KIF5C: variants seen among roughly 807,000 people sequenced by gnomAD.
KIF5C encodes the protein kinesin family member 5C, also known as kinesin heavy chain isoform 5C.
In KIF5C, 18 loss-of-function variants were observed where a neutral mutation model predicts 125.2. That is an observed-to-expected ratio of 0.14 (90% CI 0.10 to 0.21). The LOEUF is 0.21. Ranked by LOEUF, KIF5C falls within the 10% of genes least tolerant of loss-of-function variation. The pLI, the probability that KIF5C is intolerant of heterozygous loss-of-function variation, is 1.00. For missense variants in KIF5C, 780 were observed against 1,183.8 expected, an observed-to-expected ratio of 0.66 and a Z score of 5.01; for synonymous variants, 405 against 434.0, an observed-to-expected ratio of 0.93 and a Z score of 0.83.
chr2:148,994,061 T>C lies in KIF5C; in HGVS notation c.1906-360T>C, dbSNP rs59413743. On this transcript the variant is annotated intron_variant, in intron 16 of 25. Transcript: ENST00000435030. ...TGAAGATGGAATCCAGAGGTGCATG[T>C]TCAATGAATGAGGCCTTCAGCCCTG... is the stretch of plus-strand genomic sequence containing the variant. 4.2e-3 allele frequency among the ~76,000 whole-genome samples: 647 copies of C among 152,294 alleles called. 6 individuals carry two copies. Among genetic ancestry groups the C allele is most frequent in the African/African-American group, 0.015 (615 of 41,562 alleles).
rs1192799100 is a variant in KIF5C, at chr2:149,005,452, C to T, written c.2433C>T (p.Thr811=). ...LRKLFVQDLT[T]RVKKSVELDN... Reference sequence around the variant, plus strand: ...AACTCTTTGTCCAGGATCTGACCACCCGAGTTAAAAAAGTGAGTTCTCTTT... The same window carrying T: ...AACTCTTTGTCCAGGATCTGACCACTCGAGTTAAAAAAGTGAGTTCTCTTT... The change falls in exon 22 of 26, where the codon ACC becomes ACT. Residue 811 remains threonine (T), a synonymous_variant. Transcript: ENST00000435030. 23 of 1,613,510 alleles carry T rather than the reference C, an allele frequency of 1.4e-5. No individual in the cohort carries two copies. Among genetic ancestry groups the T allele is most frequent in the Middle Eastern group, 1.6e-4 (1 of 6,084 alleles).
chr2:148,990,290 G>T (rs966071809), intron 15 of KIF5C, among the ~76,000 whole-genome samples: 1 of 152,212 alleles, frequency 6.6e-6, no homozygotes, highest in African/African-American at 2.4e-5. Context: ...CTTTTCTAAG[G>T]TGGATTTAGA....
At chr2:148,948,828 T>C (rs1477139309) in intron 8 of KIF5C, among the ~76,000 whole-genome samples, 1 of 152,192 alleles carries the variant, frequency 6.6e-6, no homozygotes, top group Non-Finnish European at 1.5e-5. Flanking sequence ...AAAATAACAG[T>C]GCTTAAAATA....
chr2:148,977,305 A>G (rs1459531674), intron 12 of KIF5C, among the ~76,000 whole-genome samples: 1 of 152,212 alleles, frequency 6.6e-6, no homozygotes, highest in African/African-American at 2.4e-5. Flanking sequence ...AGGCTTTGAA[A>G]TGAGCACAGC....
rs375719839 is a variant in KIF5C at position 148,930,328 on chromosome 2, C to CT, written c.291+986dup. ...TTGAACCTCTTTGCCTCCTCTTTTC[C>CT]TTTTTTTTTTTTCTTTAAATCACCA... On this transcript the variant is annotated intron_variant, in intron 3 of 25. Coordinates refer to ENST00000435030, the MANE Select transcript of KIF5C (RefSeq NM_004522.3). Among the ~76,000 whole-genome samples the CT allele has an allele frequency of 6.9e-3, 1,015 of 146,318 alleles. 12 individuals are homozygous for CT. Among genetic ancestry groups the CT allele is most frequent in the African/African-American group, 0.023 (904 of 40,090 alleles).
At chr2:148,907,469 G>A (rs1039711074) in intron 1 of KIF5C, among the ~76,000 whole-genome samples, 1 of 152,268 alleles carries the variant, frequency 6.6e-6, no homozygotes, top group African/African-American at 2.4e-5. Context: ...TAACCCAGGA[G>A]GCTGAAGTCT....
At chr2:148,946,833 A>G in intron 7 of KIF5C, 66 bp from the exon 8 acceptor site, 3 of 1,586,610 alleles carry the variant, frequency 1.9e-6, no homozygotes, top group Non-Finnish European at 2.6e-6. Flanking sequence ...TATGCTTTTT[A>G]AATGAGAGGA....
chr2:149,000,333 A>G (rs1681811925), intron 19 of KIF5C, 90 bp from the exon 20 acceptor site: 2 of 1,466,730 alleles, frequency 1.4e-6, no homozygotes, highest in East Asian at 2.5e-5. Context: ...GTACAGAGCT[A>G]ATAGGGTTGG....
At chr2:149,021,111 G>A (rs561660972) in intron 25 of KIF5C, among the ~76,000 whole-genome samples, 1 of 152,264 alleles carries the variant, frequency 6.6e-6, no homozygotes, top group East Asian at 1.9e-4. Flanking sequence ...CACCCAGGCT[G>A]GAGTGCAGCA....
At chr2:148,995,993 A>G (rs866502365) in intron 17 of KIF5C, among the ~76,000 whole-genome samples, 3 of 152,158 alleles carry the variant, frequency 2.0e-5, no homozygotes, top group African/African-American at 7.2e-5. Context: ...TGTCTCTACT[A>G]AAAATACAAA....
chr2:148,889,033 G>A (rs185131018), intron 1 of KIF5C, among the ~76,000 whole-genome samples: 1 of 152,258 alleles, frequency 6.6e-6, no homozygotes, highest in East Asian at 1.9e-4. Flanking sequence ...CATGCACAGA[G>A]CTGTGTTCTT....
intron 1 of KIF5C, among the ~76,000 whole-genome samples, chr2:148,919,273 G>A (rs544567582): frequency 9.2e-5 from 14 of 152,264 alleles, no homozygotes; most frequent in African/African-American, 3.1e-4. Flanking sequence ...TGAAAGAAAC[G>A]CCAGCAAAGG....
intron 10 of KIF5C, among the ~76,000 whole-genome samples, chr2:148,955,329 A>G (rs868708964): frequency 8.5e-5 from 13 of 152,224 alleles, no homozygotes; most frequent in South Asian, 2.1e-4. Flanking sequence ...TTTGTAGAAT[A>G]TGCTTAGCAC....
intron 21 of KIF5C, 71 bp downstream of exon 21, chr2:149,000,853 T>G: frequency 5.0e-6 from 8 of 1,598,070 alleles, no homozygotes; most frequent in Non-Finnish European, 6.8e-6. Context: ...TCGGATTATT[T>G]CAAAATTTTA....
At chr2:148,938,726 C>T (rs1020998424) in intron 4 of KIF5C, among the ~76,000 whole-genome samples, 1 of 152,078 alleles carries the variant, frequency 6.6e-6, no homozygotes, top group Admixed American at 6.5e-5. Flanking sequence ...TAAGAGATTT[C>T]CCTTCAGGCT....
chr2:149,025,962 A>G lies in KIF5C; in HGVS notation c.*2892A>G, dbSNP rs1174171562. The G allele has an allele frequency of 6.6e-6, 1 of 152,648 alleles. No individual in the cohort carries two copies. The highest frequency in any genetic ancestry group is 2.4e-5 in the African/African-American group (1 of 41,458). 9.5% of individuals were successfully genotyped at this position (152,648 alleles called of 1,614,324 possible). ...GTGATTAAGAAATCAGAATTTATAG[A>G]TATATTGGGATAAATGAAGAAATAA... On this transcript the variant is annotated 3_prime_UTR_variant, in exon 26 of 26. Coordinates refer to ENST00000435030, the MANE Select transcript of KIF5C (RefSeq NM_004522.3).
At position 148,876,756 on chromosome 2, in the gene KIF5C, G is replaced by C. The variant is rs1291901645; in HGVS notation, c.126+1013G>C. On this transcript the variant is annotated intron_variant, in intron 1 of 25. Transcript: ENST00000435030. The surrounding 1 kb of genome is among the most constrained non-coding windows in gnomAD (Gnocchi z 4.7). Reference sequence around the variant, plus strand: ...GTCCCCCGCCCCTTCCCCGCCCGCTGTCCGTAGCGTGTGTGGCTGATGGTG... The same window carrying C: ...GTCCCCCGCCCCTTCCCCGCCCGCTCTCCGTAGCGTGTGTGGCTGATGGTG... Among the ~76,000 whole-genome samples, 5 of 152,222 alleles carry C rather than the reference G, an allele frequency of 3.3e-5. No individual in the cohort carries two copies. Among genetic ancestry groups the C allele is most frequent in the Non-Finnish European group, 5.9e-5 (4 of 68,040 alleles).
intron 1 of KIF5C, among the ~76,000 whole-genome samples, chr2:148,880,112 A>C (rs1681305067): frequency 6.6e-6 from 1 of 152,072 alleles, no homozygotes; most frequent in African/African-American, 2.4e-5. Context: ...ATTTACACGC[A>C]GTAATACCAC....
intron 25 of KIF5C, among the ~76,000 whole-genome samples, chr2:149,021,812 A>G (rs927626036): frequency 9.3e-5 from 14 of 150,038 alleles, no homozygotes; most frequent in African/African-American, 3.0e-4. Flanking sequence ...TTTCTTAAGG[A>G]TAAGGCTCTA....
Sources: allele counts gnomAD v4.1 joint callset (sites outside exome capture counted in the v4.1 genomes callset), GRCh38; gene constraint gnomAD v4.1.1; non-coding constraint Gnocchi (gnomAD v3.1); transcripts MANE v1.5; gene names NCBI Gene and HGNC (gene_info 2026-07-23, HGNC 2026-07-21).